Variants in NGLY1 observed in about 807,000 individuals in gnomAD.
The protein encoded by NGLY1 is N-glycanase 1.
Under a neutral mutation model 84.6 loss-of-function variants are expected in NGLY1, and 68 were observed. The observed-to-expected ratio is 0.80, with a 90% CI of 0.66 to 0.98. NGLY1 has a LOEUF of 0.98. Ranked by LOEUF, NGLY1 falls within the 50% of genes least tolerant of loss-of-function variation. The probability of loss-of-function intolerance (pLI) is 0.00; values close to 1 mark genes in which losing one functional copy is unlikely to be tolerated. For synonymous variants in NGLY1, 280 were observed against 275.2 expected, an observed-to-expected ratio of 1.02 and a Z score of -0.17; for missense variants, 779 against 770.2, an observed-to-expected ratio of 1.01 and a Z score of -0.14.
At position 25,739,658 on chromosome 3, in the gene NGLY1, C is replaced by A. The variant is rs147901411; in HGVS notation, c.800G>T (p.Ser267Ile). 3.7e-6 allele frequency: 6 copies of A among 1,613,996 alleles called. No homozygotes were observed. The highest frequency in any genetic ancestry group is 2.7e-5 in the African/African-American group (2 of 74,910). ...TRSRDRSLLP[S>I]DDELKWGAKE... is the part of the protein sequence containing the mutation. ...TGCACCCCACTTCAGCTCATCATCA[C>A]TGGGCAGTAATGATCTATCTCTAGA... Residue 267 changes from serine to isoleucine, a missense_variant, in exon 5 of 12, where the codon AGT becomes ATT. Coordinates refer to ENST00000280700, the MANE Select transcript of NGLY1 (RefSeq NM_018297.4).
chr3:25,728,458 G>A (rs1178713513), intron 10 of NGLY1, among the ~76,000 whole-genome samples: 1 of 152,098 alleles, frequency 6.6e-6, no homozygotes, highest in Admixed American at 6.6e-5. Context: ...CAGATCTACT[G>A]AGGTCATGTG....
At chr3:25,752,351 T>G (rs1319978008) in intron 3 of NGLY1, among the ~76,000 whole-genome samples, 1 of 152,028 alleles carries the variant, frequency 6.6e-6, no homozygotes, top group Non-Finnish European at 1.5e-5. Context: ...GCTTTCTGAG[T>G]AGCTGGGAGC....
intron 9 of NGLY1, chr3:25,729,853 C>T (rs1488765128): frequency 6.6e-6 from 1 of 152,212 alleles, no homozygotes. Context: ...TGTTACTCTT[C>T]CCTTTCATTT....
At position 25,778,638 on chromosome 3, in the gene NGLY1, A is replaced by C. The variant is rs1405545152; in HGVS notation, c.182T>G (p.Phe61Cys). The C allele has an allele frequency of 1.7e-5, 28 of 1,613,120 alleles. No individual in the cohort carries two copies. The highest frequency in any genetic ancestry group is 2.1e-5 in the Non-Finnish European group (25 of 1,179,598). The stretch of plus-strand genomic sequence containing the variant: ...TCTGACAGGCAAGAGTCTAGTAGAA[A>C]AGGCTGTGTTTCCAATCCGGATGGA... ...YRSIRIGNTA[F>C]STRLLPVRGA... The change falls in exon 2 of 12, where the codon TTT becomes TGT. Residue 61 changes from phenylalanine to cysteine, a missense_variant. Transcript: ENST00000280700.
chr3:25,734,768 T>C (rs1559534563), intron 7 of NGLY1: 1 of 925,966 alleles, frequency 1.1e-6, no homozygotes, highest in Non-Finnish European at 1.3e-6. Context: ...CGGAAGAGAA[T>C]ACGTCACTTA....
intron 2 of NGLY1, among the ~76,000 whole-genome samples, chr3:25,775,052 C>A (rs563199958): frequency 1.3e-5 from 2 of 152,328 alleles, no homozygotes; most frequent in African/African-American, 4.8e-5. Context: ...ACCCTTCTCC[C>A]GTGATCTGGA....
chr3:25,731,489 G>A (rs893866589), intron 9 of NGLY1, among the ~76,000 whole-genome samples: 2 of 152,048 alleles, frequency 1.3e-5, no homozygotes, highest in African/African-American at 4.8e-5. Context: ...TTCATATACT[G>A]CTGGTGAGAG....
chr3:25,742,988 A>C (rs148295894), intron 4 of NGLY1, among the ~76,000 whole-genome samples: 18 of 152,178 alleles, frequency 1.2e-4, no homozygotes, highest in Admixed American at 5.2e-4. Flanking sequence ...ATTCAATCAC[A>C]ATTAACCTCA....
intron 5 of NGLY1, among the ~76,000 whole-genome samples, chr3:25,738,832 T>TA: frequency 6.6e-6 from 1 of 152,220 alleles, no homozygotes; most frequent in African/African-American, 2.4e-5. Context: ...TAGATATTTT[T>TA]AAAACGTGGT....
At chr3:25,731,429 TA>T (rs1705530468) in intron 9 of NGLY1, among the ~76,000 whole-genome samples, 2 of 152,072 alleles carry the variant, frequency 1.3e-5, no homozygotes, top group African/African-American at 4.8e-5. Context: ...CCAGAACTGC[TA>T]AAATGAAAAG....
At chr3:25,785,135 C>CAAAAAAAAAAAAAAAAA (rs1159268520), upstream of NGLY1, among the ~76,000 whole-genome samples, 4 of 76,988 alleles carry the variant, frequency 5.2e-5, no homozygotes, top group Non-Finnish European at 7.9e-5. Context: ...CCTGCTTGGA[C>CAAAAAAAAAAAAAAAAA]AAAAAAAAAA....
chr3:25,768,567 T>A (rs1707731801), intron 2 of NGLY1, among the ~76,000 whole-genome samples: 1 of 149,078 alleles, frequency 6.7e-6, no homozygotes, highest in Admixed American at 6.7e-5. Context: ...AAGACTTTTT[T>A]TTTTTTTTTT....
In NGLY1 at chr3:25,720,243, T is replaced by C. The variant is rs766636514; in HGVS notation, c.1612-52A>G. 2.1e-6 allele frequency: 3 copies of C among 1,429,430 alleles called. No individual in the cohort carries two copies. In the South Asian group the frequency reaches 3.7e-5, roughly 18 times the overall value. The allele number at this position is 1,429,430 out of a possible 1,614,324, so 88.5% of individuals were successfully genotyped here. On this transcript the variant is annotated intron_variant, in intron 10 of 11. Transcript: ENST00000280700. ...GGAACTGTCAGAAAAAATGAAATAG[T>C]ATAGAAAACAAACTTAGTGAAGAAT...
intron 9 of NGLY1, 63 bp downstream of exon 9, chr3:25,732,256 G>A: frequency 6.7e-7 from 1 of 1,488,192 alleles, no homozygotes. Context: ...GGATAGTATA[G>A]GAAGAGCATA....
upstream of NGLY1, among the ~76,000 whole-genome samples, chr3:25,785,243 T>G (rs755326129): frequency 6.7e-6 from 1 of 148,234 alleles, no homozygotes; most frequent in Non-Finnish European, 1.5e-5. Flanking sequence ...TGAGGCCTCA[T>G]CAAGATAAAA....
Position 25,778,684 on chromosome 3 carries a change from G to T in NGLY1, c.136C>A (p.Pro46Thr). ...ATGGATCTATATTTTTCATCATTAG[G>T]GTTTCTGACAAAAAACAAAAGTTTG... ...LTYADNILRNPNDEKYRSIRI... is the reference protein window; with the variant it reads ...LTYADNILRNTNDEKYRSIRI... The change falls in exon 2 of 12, where the codon CCT becomes ACT. Residue 46 changes from proline (P) to threonine (T), a missense_variant. Pro to Thr is a conservative substitution (Grantham distance 38). Transcript: ENST00000280700. 6.3e-7 allele frequency: 1 copy of T among 1,583,238 alleles called. No individual in the cohort carries two copies. The highest frequency in any genetic ancestry group is 8.6e-7 in the Non-Finnish European group (1 of 1,165,078).
In NGLY1 at chr3:25,755,025, A is replaced by T. The variant is rs145337420; in HGVS notation, c.493-3762T>A. On this transcript the variant is annotated intron_variant, in intron 3 of 11. Coordinates refer to ENST00000280700, the MANE Select transcript of NGLY1 (RefSeq NM_018297.4). Reference sequence around the variant, plus strand: ...ATGGGAATCACAGACTACAAACCAAAGGTTATAAATCAAATTTTGGAATTT... The same window carrying T: ...ATGGGAATCACAGACTACAAACCAATGGTTATAAATCAAATTTTGGAATTT... The T allele has an allele frequency of 6.3e-4, 621 of 983,444 alleles. 1 individual carries two copies. The African/African-American group carries it at 8.3e-3, about 13-fold the overall frequency. 60.9% of individuals were successfully genotyped at this position (983,444 alleles called of 1,614,324 possible).
At chr3:25,773,227 C>A (rs894743287) in intron 2 of NGLY1, among the ~76,000 whole-genome samples, 1 of 152,102 alleles carries the variant, frequency 6.6e-6, no homozygotes, top group Non-Finnish European at 1.5e-5. Flanking sequence ...ATATGTCTTC[C>A]AAACTTTTAG....
Position 25,773,812 on chromosome 3 carries a change from C to A in NGLY1, c.246+4762G>T, listed in dbSNP as rs1259801988. Among the ~76,000 whole-genome samples the A allele has an allele frequency of 2.0e-5, 3 of 152,158 alleles. No homozygotes were observed. In the South Asian group the frequency reaches 6.2e-4, roughly 31 times the overall value. ...GATTCTTTGGCCCCATGGGGTGCTCCCTTGATGTGGTGCTCTTCCCTTCCT... is the reference window on the plus strand; with the variant it reads ...GATTCTTTGGCCCCATGGGGTGCTCACTTGATGTGGTGCTCTTCCCTTCCT... On this transcript the variant is annotated intron_variant, in intron 2 of 11. Coordinates refer to ENST00000280700, the MANE Select transcript of NGLY1 (RefSeq NM_018297.4).
Sources: gnomAD v4.1 joint callset for allele counts (sites outside exome capture counted in the v4.1 genomes callset) on GRCh38, gnomAD v4.1.1 for gene constraint, MANE v1.5 for transcripts, NCBI Gene and HGNC (gene_info 2026-07-23, HGNC 2026-07-21) for gene names.